CLTCL1: variants seen among roughly 807,000 people sequenced by gnomAD.
The protein encoded by CLTCL1 is clathrin heavy chain 2.
In CLTCL1, 159 loss-of-function variants were observed where a neutral mutation model predicts 190.0. That is an observed-to-expected ratio of 0.84 (90% confidence interval 0.74 to 0.95). The LOEUF (loss-of-function observed/expected upper bound fraction) is 0.95, where lower values mean the gene tolerates loss of function less well. Among genes scored for constraint, CLTCL1 ranks in the 40% least tolerant of loss-of-function variants. The pLI, the probability that CLTCL1 is intolerant of heterozygous loss-of-function variation, is 0.00. For missense variants in CLTCL1, 1,878 were observed against 2,033.4 expected (o/e 0.92, Z 1.47); for synonymous variants, 752 against 769.6 (o/e 0.98, Z 0.38).
At chr22:19,277,712 C>A (rs2087565314) in intron 1 of CLTCL1, among the ~76,000 whole-genome samples, 2 of 152,182 alleles carry the variant, frequency 1.3e-5, no homozygotes, top group Admixed American at 1.3e-4. Context: ...TGTTCTCACA[C>A]ATCACTCAAC....
chr22:19,279,319 T>C (rs1042411096), intron 1 of CLTCL1, among the ~76,000 whole-genome samples: 1 of 151,788 alleles, frequency 6.6e-6, no homozygotes, highest in Non-Finnish European at 1.5e-5. Flanking sequence ...TAATTTTTAG[T>C]AGAGATGGGG....
At chr22:19,271,524 T>C (rs532623532) in intron 2 of CLTCL1, among the ~76,000 whole-genome samples, 2 of 152,304 alleles carry the variant, frequency 1.3e-5, no homozygotes, top group Non-Finnish European at 1.5e-5. Context: ...ACATGCTTGC[T>C]TCCCCTTCAC....
intron 1 of CLTCL1, among the ~76,000 whole-genome samples, chr22:19,277,175 C>T (rs1555983890): frequency 6.6e-6 from 1 of 152,080 alleles, no homozygotes; most frequent in African/African-American, 2.4e-5. Context: ...CAGGACGGTG[C>T]CTTGTTTGTC....
At chr22:19,286,895 T>G (rs1209452066) in intron 1 of CLTCL1, among the ~76,000 whole-genome samples, 4 of 152,210 alleles carry the variant, frequency 2.6e-5, no homozygotes, top group Non-Finnish European at 5.9e-5. Flanking sequence ...CTTGACCATC[T>G]TTCTCCTACA....
chr22:19,232,237 C>T (rs913411722), intron 10 of CLTCL1, among the ~76,000 whole-genome samples: 1 of 152,036 alleles, frequency 6.6e-6, no homozygotes, highest in Non-Finnish European at 1.5e-5. Flanking sequence ...CCATCACCAC[C>T]CAAAGACACA....
chr22:19,202,699 CCCT>C (rs2084936777), intron 22 of CLTCL1, among the ~76,000 whole-genome samples: 7 of 152,176 alleles, frequency 4.6e-5, no homozygotes, highest in Non-Finnish European at 1.0e-4. Flanking sequence ...CTACTGCCAC[CCCT>C]CCTTCCATCA....
chr22:19,192,489 CGT>C (rs2084545271), intron 26 of CLTCL1, among the ~76,000 whole-genome samples: 1 of 152,140 alleles, frequency 6.6e-6, no homozygotes, highest in Admixed American at 6.5e-5. Flanking sequence ...AATGTGTCTG[CGT>C]GAGTGTGGGG....
intron 11 of CLTCL1, among the ~76,000 whole-genome samples, chr22:19,227,540 C>T (rs1440297156): frequency 1.3e-5 from 2 of 151,498 alleles, no homozygotes; most frequent in African/African-American, 2.4e-5. Flanking sequence ...CTGCAACCTC[C>T]GTCTCACGGG....
intron 23 of CLTCL1, 134 bp downstream of exon 23, chr22:19,201,195 C>CT: frequency 3.7e-6 from 4 of 1,093,874 alleles, no homozygotes; most frequent in Non-Finnish European, 5.1e-6. Flanking sequence ...CCTAGAGACT[C>CT]TAAGAATCCC....
intron 2 of CLTCL1, among the ~76,000 whole-genome samples, chr22:19,255,016 C>A (rs1400893355): frequency 1.3e-5 from 2 of 151,980 alleles, no homozygotes; most frequent in Non-Finnish European, 2.9e-5. Flanking sequence ...ATATTGCTTC[C>A]CACAAAGATT....
chr22:19,225,691 T>C (rs2085721126), intron 12 of CLTCL1, 58 bp from the exon 13 acceptor site: 3 of 1,420,402 alleles, frequency 2.1e-6, no homozygotes, highest in Admixed American at 4.7e-5. Context: ...TTGCTAACAC[T>C]TGGAAAATAA....
At chr22:19,233,693 T>C (rs782593465) in intron 7 of CLTCL1, 71 bp from the exon 8 acceptor site, 134 of 1,441,818 alleles carry the variant, frequency 9.3e-5, no homozygotes, top group Non-Finnish European at 1.2e-4. Flanking sequence ...CTTCCTTGTA[T>C]GTAAAAACAA....
chr22:19,187,549 GCCA>G lies in CLTCL1; in HGVS notation c.4605+6_4605+8del. 6.2e-7 allele frequency: 1 copy of G among 1,601,116 alleles called. No individual in the cohort carries two copies. The highest frequency in any genetic ancestry group is 8.5e-7 in the Non-Finnish European group (1 of 1,171,196). ...GGAAGGTGGGAGGAAACGGGCCCAGGCCACCAACCTTGTAGAGATGATCCTTCT... is the reference window on the plus strand; with the variant it reads ...GGAAGGTGGGAGGAAACGGGCCCAGGCCAACCTTGTAGAGATGATCCTTCT... On this transcript the variant is annotated splice_donor_region_variant and intron_variant, in intron 29 of 32. Coordinates refer to ENST00000427926, the MANE Select transcript of CLTCL1 (RefSeq NM_007098.4).
At chr22:19,231,070 C>T (rs79026286) in intron 10 of CLTCL1, among the ~76,000 whole-genome samples, 13,166 of 152,174 alleles carry the variant, frequency 0.087, 972 homozygotes, top group East Asian at 0.42. Context: ...AGGCCATTGG[C>T]CTCAGACTGA....
At chr22:19,205,729 T>A (rs2085027572) in intron 22 of CLTCL1, among the ~76,000 whole-genome samples, 1 of 152,216 alleles carries the variant, frequency 6.6e-6, no homozygotes, top group South Asian at 2.1e-4. Flanking sequence ...GAACTGATAT[T>A]TTCCTTTATG....
intron 1 of CLTCL1, among the ~76,000 whole-genome samples, chr22:19,277,052 G>C (rs895647944): frequency 6.6e-6 from 1 of 152,166 alleles, no homozygotes; most frequent in Non-Finnish European, 1.5e-5. Context: ...CTGTTACCTT[G>C]TGTAACCTTG....
intron 4 of CLTCL1, 140 bp from the exon 5 acceptor site, chr22:19,239,528 C>G: frequency 1.4e-6 from 1 of 695,094 alleles, no homozygotes; most frequent in Non-Finnish European, 2.6e-6. Context: ...CAAAGCAGAA[C>G]AACCCCCTTG....
In CLTCL1 at chr22:19,179,579, T is replaced by A. The variant is rs1555924655; in HGVS notation, c.*411A>T. The A allele has an allele frequency of 6.5e-6, 1 of 154,928 alleles. No individual in the cohort carries two copies. Among genetic ancestry groups the A allele is most frequent in the Admixed American group, 6.3e-5 (1 of 15,854 alleles). 9.6% of individuals were successfully genotyped at this position (154,928 alleles called of 1,614,324 possible). On this transcript the variant is annotated 3_prime_UTR_variant, in exon 33 of 33. Coordinates refer to ENST00000427926, the MANE Select transcript of CLTCL1 (RefSeq NM_007098.4). ...AGACGTGTTCATGTAGTCTTCAAAC[T>A]GGCCTGGAGGGGGCAGCTCCAGCCA...
At chr22:19,211,662 G>A (rs1478377050) in intron 19 of CLTCL1, among the ~76,000 whole-genome samples, 1 of 151,558 alleles carries the variant, frequency 6.6e-6, no homozygotes, top group Non-Finnish European at 1.5e-5. Context: ...AGCTACTGGG[G>A]AGGCTGAAGC....
Sources: allele counts gnomAD v4.1 joint callset (sites outside exome capture counted in the v4.1 genomes callset), GRCh38; gene constraint gnomAD v4.1.1; transcripts MANE v1.5; gene names NCBI Gene and HGNC (gene_info 2026-07-23, HGNC 2026-07-21).